ACSF3: variants seen among roughly 807,000 people sequenced by gnomAD.
ACSF3 encodes malonate--CoA ligase ACSF3, mitochondrial.
Under a neutral mutation model 53.2 loss-of-function variants are expected in ACSF3, and 78 were observed. The observed-to-expected ratio is 1.47, with a 90% CI of 1.22 to 1.77. The LOEUF (loss-of-function observed/expected upper bound fraction) is 1.77. Ranked by LOEUF, ACSF3 falls within the 40% of genes most tolerant of loss-of-function variation. The pLI is 0.00. For synonymous variants in ACSF3, 414 were observed against 333.1 expected (o/e 1.24, Z -2.65); for missense variants, 937 against 771.1 (o/e 1.22, Z -2.55).
At chr16:89,096,120 G>A (rs72817430) in intron 1 of ACSF3, among the ~76,000 whole-genome samples, 6,166 of 152,268 alleles carry the variant, frequency 0.04, 184 homozygotes, top group East Asian at 0.13. Context: ...TCACCAAGGA[G>A]GCTGTCCTGG....
intron 9 of ACSF3, 60 bp from the exon 10 acceptor site, chr16:89,145,878 T>C: frequency 3.5e-6 from 5 of 1,440,070 alleles, no homozygotes; most frequent in Non-Finnish European, 4.9e-6. Context: ...CCAGGCACTC[T>C]TCGGCCTGTA....
At chr16:89,107,463 C>T (rs1245385286) in intron 4 of ACSF3, among the ~76,000 whole-genome samples, 1 of 152,202 alleles carries the variant, frequency 6.6e-6, no homozygotes, top group African/African-American at 2.4e-5. Flanking sequence ...CATCCTGCTA[C>T]ACGCGTGCTC....
chr16:89,124,202 T>G lies in ACSF3; in HGVS notation c.1239+3289T>G, dbSNP rs1012266709. Among the ~76,000 whole-genome samples the G allele has an allele frequency of 2.6e-5, 4 of 151,848 alleles. No individual in the cohort carries two copies. In the East Asian group the frequency reaches 7.8e-4, roughly 30 times the overall value. ...TGTGCACAGCTGTTACACACATAAA[T>G]ACAGAAAAAAAGACCTGATGGAAAC... On this transcript the variant is annotated intron_variant, in intron 7 of 10. Transcript: ENST00000614302.
chr16:89,103,355 G>A lies in ACSF3; in HGVS notation c.822+596G>A, dbSNP rs557649848. 5.1e-4 allele frequency among the ~76,000 whole-genome samples: 77 copies of A among 152,378 alleles called. 1 individual carries two copies. In the Middle Eastern group the frequency reaches 0.017, roughly 34 times the overall value. ...GTCTTGCGGAGCTGATGCTGGGTGT[G>A]GTAGGGCTGCTCCGTCAGGAGGCTC... On this transcript the variant is annotated intron_variant, in intron 4 of 10. Transcript: ENST00000614302.
At position 89,154,999 on chromosome 16, in the gene ACSF3, C is replaced by T; in HGVS notation, c.*792C>T. The T allele has an allele frequency of 4.4e-6, 2 of 454,150 alleles. No individual in the cohort carries two copies. Among genetic ancestry groups the T allele is most frequent in the Non-Finnish European group, 8.8e-6 (2 of 226,802 alleles). The allele number at this position is 454,150 out of a possible 1,614,324, so 28.1% of individuals were successfully genotyped here. A position where few individuals can be genotyped will look rare whatever the true frequency, so the allele number is the denominator to read the frequency against. ...CCAGACCCCCACCTGCCCCATGGCC[C>T]CCATTTCATGTCTGTGGCTCACCAG... On this transcript the variant is annotated 3_prime_UTR_variant, in exon 11 of 11. Transcript: ENST00000614302.
At chr16:89,154,060 G>C (rs200419089) in intron 10 of ACSF3, 30 bp from the exon 11 acceptor site, 25 of 1,605,430 alleles carry the variant, frequency 1.6e-5, no homozygotes, top group Non-Finnish European at 2.1e-5. Context: ...TGTCAGGGCA[G>C]TGCGCCTCAG....
intron 10 of ACSF3, among the ~76,000 whole-genome samples, chr16:89,147,018 C>T (rs566351707): frequency 1.3e-5 from 2 of 151,948 alleles, no homozygotes; most frequent in South Asian, 2.1e-4. Flanking sequence ...ATAATTGGCT[C>T]ATGGTTCCAC....
At position 89,137,620 on chromosome 16, in the gene ACSF3, G is replaced by A. The variant is rs367667600; in HGVS notation, c.1366+4358G>A. ...ATTGAGGGGAAGAGCCCCAGGTCCC[G>A]GGAGGACCACCAGGAGCTCACGGGG... On this transcript the variant is annotated intron_variant, in intron 8 of 10. Coordinates refer to ENST00000614302, the MANE Select transcript of ACSF3 (RefSeq NM_001243279.3). Among the ~76,000 whole-genome samples, 50 of 126,894 alleles carry A rather than the reference G, an allele frequency of 3.9e-4. No homozygotes were observed. In the East Asian group the frequency reaches 4.5e-3, roughly 11 times the overall value. The allele number at this position is 126,894 out of a possible 152,430, so 83.2% of individuals were successfully genotyped here. A position where few individuals can be genotyped will look rare whatever the true frequency, so the allele number is the denominator to read the frequency against.
At chr16:89,118,199 T>C (rs554668246) in intron 6 of ACSF3, among the ~76,000 whole-genome samples, 1 of 149,654 alleles carries the variant, frequency 6.7e-6, no homozygotes, top group Non-Finnish European at 1.5e-5. Context: ...GGATGTTCCC[T>C]CTTCTCTAAG....
intron 10 of ACSF3, chr16:89,150,937 T>A: frequency 8.1e-7 from 1 of 1,238,160 alleles, no homozygotes; most frequent in Non-Finnish European, 1.1e-6. Flanking sequence ...ATCCAAATGT[T>A]CCAACTGTCT....
At chr16:89,094,085 C>T (rs567235606) in intron 1 of ACSF3, 89 bp downstream of exon 1, 308 of 151,248 alleles carry the variant, frequency 2.0e-3, no homozygotes, top group African/African-American at 6.8e-3. Flanking sequence ...GCCCCTGGGT[C>T]GCAGCTGGGC....
rs546902575 is a variant in ACSF3 at position 89,095,937 on chromosome 16, A to G, written c.-194+1941A>G. The stretch of plus-strand genomic sequence containing the variant: ...GTGGTGACTAACTCTGCCATTAACC[A>G]GCACTCCAGTTAGGAGGGAAAAGAT... On this transcript the variant is annotated intron_variant, in intron 1 of 10. Transcript: ENST00000614302. Among the ~76,000 whole-genome samples, 7 of 152,304 alleles carry G rather than the reference A, an allele frequency of 4.6e-5. No individual in the cohort carries two copies. The South Asian group carries it at 1.4e-3, about 32-fold the overall frequency.
At chr16:89,114,641 G>A (rs1432869371) in intron 6 of ACSF3, 154 bp downstream of exon 6, 17 of 1,103,252 alleles carry the variant, frequency 1.5e-5, no homozygotes, top group East Asian at 1.3e-4. Context: ...CACTCAGGAT[G>A]CACTGCGACC....
chr16:89,126,011 G>A (rs111713113), intron 7 of ACSF3, among the ~76,000 whole-genome samples: 1 of 152,190 alleles, frequency 6.6e-6, no homozygotes, highest in Non-Finnish European at 1.5e-5. Context: ...ACTTAGATCC[G>A]TGAACACGGT....
At chr16:89,101,538 G>A (rs1975343262) in intron 3 of ACSF3, among the ~76,000 whole-genome samples, 191 bp downstream of exon 3, 3 of 152,232 alleles carry the variant, frequency 2.0e-5, no homozygotes, top group African/African-American at 4.8e-5. Context: ...GGCCACGCAG[G>A]ACGGCTCTGG....
intron 8 of ACSF3, among the ~76,000 whole-genome samples, chr16:89,134,174 G>T (rs187884838): frequency 1.3e-5 from 2 of 152,354 alleles, no homozygotes; most frequent in East Asian, 3.9e-4. Flanking sequence ...CTTCCAAAAT[G>T]GCGGCAGGCT....
intron 6 of ACSF3, among the ~76,000 whole-genome samples, chr16:89,118,662 C>A (rs1164260118): frequency 1.3e-5 from 2 of 152,234 alleles, no homozygotes; most frequent in Non-Finnish European, 2.9e-5. Context: ...TCATGGCCGA[C>A]CACTGCTGGG....
At chr16:89,135,157 A>C (rs945202984) in intron 8 of ACSF3, among the ~76,000 whole-genome samples, 1 of 152,146 alleles carries the variant, frequency 6.6e-6, no homozygotes, top group African/African-American at 2.4e-5. Flanking sequence ...TTTTCCAAAA[A>C]AAAGAGGCCC....
At chr16:89,120,503 G>A (rs1455445095) in intron 6 of ACSF3, among the ~76,000 whole-genome samples, 3 of 152,244 alleles carry the variant, frequency 2.0e-5, no homozygotes, top group Non-Finnish European at 4.4e-5. Context: ...TGATGTATGA[G>A]GGGCCCAGGG....
Sources: allele counts gnomAD v4.1 joint callset (sites outside exome capture counted in the v4.1 genomes callset), GRCh38; gene constraint gnomAD v4.1.1; transcripts MANE v1.5; gene names NCBI Gene and HGNC (gene_info 2026-07-23, HGNC 2026-07-21).